The following PYHIN1 variants were observed in gnomAD, a reference collection of about 807,000 sequenced individuals.
PYHIN1 encodes the protein pyrin and HIN domain family member 1.
A neutral mutation model predicts 43.7 loss-of-function variants in PYHIN1; 32 were observed. The observed-to-expected ratio is 0.73, with a 90% CI of 0.55 to 0.98. The LOEUF (loss-of-function observed/expected upper bound fraction) is 0.98, where lower values mean the gene tolerates loss of function less well. Ranked by LOEUF, PYHIN1 falls within the 50% of genes least tolerant of loss-of-function variation. The pLI, the probability that PYHIN1 is intolerant of heterozygous loss-of-function variation, is 0.00. For missense variants in PYHIN1, 588 were observed against 589.5 expected (o/e 1.00, Z 0.03); for synonymous variants, 205 against 203.1 (o/e 1.01, Z -0.08).
chr1:158,963,374 C>T (rs572649292), intron 7 of PYHIN1, among the ~76,000 whole-genome samples: 1 of 152,270 alleles, frequency 6.6e-6, no homozygotes, highest in East Asian at 1.9e-4. Flanking sequence ...CTCCTCGTTT[C>T]TCTGGGGTGG....
downstream of PYHIN1, among the ~76,000 whole-genome samples, chr1:158,980,900 C>A (rs1341085336): frequency 6.6e-6 from 1 of 152,058 alleles, no homozygotes; most frequent in African/African-American, 2.4e-5. Flanking sequence ...TTTTGAAACC[C>A]TTAACAAAAA....
At position 158,933,950 on chromosome 1, in the gene PYHIN1, C is replaced by T. The variant is rs1648331819; in HGVS notation, c.-21+2174C>T. On this transcript the variant is annotated intron_variant, in intron 1 of 8. Transcript: ENST00000368140. This position sits in a 1 kb window ranked among gnomAD's most constrained non-coding sequence, Gnocchi z 6.3. ...GTACTTCCAAAAATGTTTCTGTGTG[C>T]ATCTTTGTCTGGAAAAACTACTGAG... is the stretch of plus-strand genomic sequence containing the variant. Among the ~76,000 whole-genome samples the T allele has an allele frequency of 6.6e-6, 1 of 151,974 alleles. No individual in the cohort carries two copies. Among genetic ancestry groups the T allele is most frequent in the Admixed American group, 6.6e-5 (1 of 15,252 alleles).
the PYHIN1 span, among the ~76,000 whole-genome samples, chr1:158,982,400 A>C: frequency 0.041 from 6,264 of 152,124 alleles, 351 homozygotes; most frequent in East Asian, 0.26. Context: ...AATAGGAAGT[A>C]CTGTTTCCAT....
At chr1:158,952,971 C>G (rs893332573) in intron 7 of PYHIN1, among the ~76,000 whole-genome samples, 1 of 152,114 alleles carries the variant, frequency 6.6e-6, no homozygotes, top group Non-Finnish European at 1.5e-5. Context: ...GTTCCCTTTC[C>G]GAGTCAAAGA....
At chr1:158,980,918 G>A (rs961065971), downstream of PYHIN1, among the ~76,000 whole-genome samples, 1 of 151,982 alleles carries the variant, frequency 6.6e-6, no homozygotes, top group African/African-American at 2.4e-5. Flanking sequence ...AAACTTGCTG[G>A]TCTGAGACTC....
chr1:158,945,104 T>C (rs1419740792), intron 7 of PYHIN1, 62 bp downstream of exon 7: 2 of 1,485,674 alleles, frequency 1.3e-6, no homozygotes, highest in East Asian at 2.3e-5. Context: ...GATCATTAGA[T>C]TGTTGAAAGA....
intron 1 of PYHIN1, among the ~76,000 whole-genome samples, chr1:158,935,933 T>C (rs1476526501): frequency 6.6e-6 from 1 of 152,090 alleles, no homozygotes; most frequent in Non-Finnish European, 1.5e-5. Flanking sequence ...AATTCAACTA[T>C]CCTCATTCAA....
chr1:158,971,409 A>G (rs1234728803), intron 7 of PYHIN1, among the ~76,000 whole-genome samples: 4 of 151,568 alleles, frequency 2.6e-5, no homozygotes, highest in African/African-American at 9.7e-5. Flanking sequence ...GACACCCATT[A>G]TCCTTACATT....
At chr1:158,956,643 T>C (rs1250416084) in intron 7 of PYHIN1, among the ~76,000 whole-genome samples, 2 of 151,614 alleles carry the variant, frequency 1.3e-5, no homozygotes, top group African/African-American at 2.4e-5. Context: ...GCACAGCCAA[T>C]ATCATACTGA....
the PYHIN1 span, among the ~76,000 whole-genome samples, chr1:158,984,254 A>T: frequency 5.9e-5 from 9 of 151,700 alleles, no homozygotes; most frequent in Admixed American, 1.3e-4. Flanking sequence ...TAAATTTAAG[A>T]TATTTCTGAC....
intron 4 of PYHIN1, chr1:158,940,256 A>AG (rs1648833661): frequency 1.3e-5 from 2 of 151,228 alleles, no homozygotes; most frequent in Non-Finnish European, 2.9e-5. Context: ...AAAAAAAAAA[A>AG]GGAAACCATA....
At chr1:158,940,466 CA>C (rs1648847549) in intron 4 of PYHIN1, among the ~76,000 whole-genome samples, 1 of 151,978 alleles carries the variant, frequency 6.6e-6, no homozygotes, top group African/African-American at 2.4e-5. Flanking sequence ...AAGTAAATTA[CA>C]ATTAATAATT....
intron 1 of PYHIN1, among the ~76,000 whole-genome samples, chr1:158,935,716 G>T (rs1648493302): frequency 6.6e-6 from 1 of 152,158 alleles, no homozygotes; most frequent in Non-Finnish European, 1.5e-5. Flanking sequence ...TATAAGGTGG[G>T]AGGCTGCAGC....
intron 7 of PYHIN1, among the ~76,000 whole-genome samples, chr1:158,970,882 A>C (rs1285894270): frequency 6.6e-6 from 1 of 152,034 alleles, no homozygotes; most frequent in Non-Finnish European, 1.5e-5. Flanking sequence ...ATCTCATTTC[A>C]CATATGAGAA....
intron 7 of PYHIN1, among the ~76,000 whole-genome samples, chr1:158,946,301 A>G (rs1649216145): frequency 1.3e-5 from 2 of 152,200 alleles, no homozygotes; most frequent in African/African-American, 4.8e-5. Context: ...TATGGAAAGT[A>G]ACCTATTAAT....
intron 7 of PYHIN1, among the ~76,000 whole-genome samples, chr1:158,957,878 G>C (rs1348724828): frequency 3.3e-5 from 5 of 150,032 alleles, no homozygotes; most frequent in Non-Finnish European, 7.4e-5. Context: ...CTAATATCCA[G>C]AATCTACAAT....
chr1:158,968,885 C>A (rs560751743), intron 7 of PYHIN1, among the ~76,000 whole-genome samples: 2 of 151,818 alleles, frequency 1.3e-5, no homozygotes, highest in African/African-American at 4.8e-5. Context: ...CAGACACTGG[C>A]GCCTACTTGA....
chr1:158,943,996 A>G lies in PYHIN1; in HGVS notation c.1191+18A>G. 1 of 1,546,250 alleles carries G rather than the reference A, an allele frequency of 6.5e-7. No individual in the cohort carries two copies. The highest frequency in any genetic ancestry group is 1.2e-5 in the South Asian group (1 of 81,536). ...TCATCCAGGTGAGAAATAAAGAAAC[A>G]AATATTAGTTTTCCAAAGATGAAAA... On this transcript the variant is annotated intron_variant, in intron 6 of 8. Transcript: ENST00000368140.
chr1:158,974,853 C>G (rs1651159089), intron 8 of PYHIN1, among the ~76,000 whole-genome samples: 2 of 152,120 alleles, frequency 1.3e-5, no homozygotes, highest in South Asian at 4.1e-4. Context: ...GTAGTCATTA[C>G]CAGCTCAGAC....
Sources: allele counts gnomAD v4.1 joint callset (sites outside exome capture counted in the v4.1 genomes callset), GRCh38; gene constraint gnomAD v4.1.1; non-coding constraint Gnocchi (gnomAD v3.1); transcripts MANE v1.5; gene names NCBI Gene and HGNC (gene_info 2026-07-23, HGNC 2026-07-21).